Variants in MSH3 observed in about 807,000 individuals in gnomAD.
MSH3 encodes DNA mismatch repair protein Msh3.
In MSH3, 106 loss-of-function variants were observed where a neutral mutation model predicts 123.3. The observed-to-expected ratio is 0.86, with a 90% CI of 0.73 to 1.01. MSH3 has a LOEUF of 1.01. Among genes scored for constraint, MSH3 ranks in the 50% least tolerant of loss-of-function variants. The pLI is 0.00. For missense variants in MSH3, 1,459 were observed against 1,347.6 expected, an observed-to-expected ratio of 1.08 and a Z score of -1.29; for synonymous variants, 515 against 481.4, an observed-to-expected ratio of 1.07 and a Z score of -0.91.
At chr5:80,775,545 A>G (rs1744282699) in intron 15 of MSH3, 149 bp from the exon 16 acceptor site, 1 of 592,768 alleles carries the variant, frequency 1.7e-6, no homozygotes, top group East Asian at 2.8e-5. Flanking sequence ...ATTTGTCTGT[A>G]TTGACATATA....
chr5:80,745,535 T>G (rs1295785662), intron 12 of MSH3, among the ~76,000 whole-genome samples: 2 of 152,190 alleles, frequency 1.3e-5, no homozygotes, highest in Non-Finnish European at 1.5e-5. Flanking sequence ...AATATAAGAT[T>G]TAAAACCAGC....
chr5:80,750,398 A>G (rs1743811929), intron 12 of MSH3, among the ~76,000 whole-genome samples: 1 of 152,070 alleles, frequency 6.6e-6, no homozygotes, highest in South Asian at 2.1e-4. Context: ...TTTACTTGTT[A>G]TCTTTCATCT....
chr5:80,780,821 T>C (rs974585716), intron 17 of MSH3, among the ~76,000 whole-genome samples: 3 of 152,142 alleles, frequency 2.0e-5, no homozygotes, highest in Non-Finnish European at 4.4e-5. Flanking sequence ...TGAGCCGAGA[T>C]TGCGCCTCTG....
At chr5:80,856,319 A>T (rs1257410796) in intron 21 of MSH3, among the ~76,000 whole-genome samples, 1 of 152,066 alleles carries the variant, frequency 6.6e-6, no homozygotes, top group Admixed American at 6.6e-5. Flanking sequence ...GCTTTAAAAA[A>T]TTTATTTGCA....
intron 19 of MSH3, among the ~76,000 whole-genome samples, chr5:80,805,545 A>G (rs1744871717): frequency 1.4e-5 from 2 of 147,842 alleles, no homozygotes; most frequent in South Asian, 4.4e-4. Flanking sequence ...GAGATTACTT[A>G]GAGTAATTTT....
chr5:80,848,276 T>G (rs930625305), intron 20 of MSH3, among the ~76,000 whole-genome samples: 3 of 152,184 alleles, frequency 2.0e-5, no homozygotes, highest in Admixed American at 1.3e-4. Flanking sequence ...CAGCATCGAA[T>G]TTTAATTTCA....
At position 80,680,059 on chromosome 5, in the gene MSH3, C is replaced by T. The variant is rs903211228; in HGVS notation, c.1340+966C>T. 6.6e-5 allele frequency among the ~76,000 whole-genome samples: 10 copies of T among 151,464 alleles called. 1 individual carries two copies. Among genetic ancestry groups the T allele is most frequent in the African/African-American group, 2.4e-4 (10 of 41,192 alleles). ...GGTGGATCACCTGAGGTCAGCAGTTCAAGACAGCTTGGCCAAAACCCCGTT... is the reference window on the plus strand; with the variant it reads ...GGTGGATCACCTGAGGTCAGCAGTTTAAGACAGCTTGGCCAAAACCCCGTT... On this transcript the variant is annotated intron_variant, in intron 8 of 23. Transcript: ENST00000265081.
intron 16 of MSH3, 151 bp downstream of exon 16, chr5:80,775,909 G>T (rs1215528661): frequency 2.7e-5 from 16 of 598,224 alleles, no homozygotes; most frequent in Non-Finnish European, 4.8e-5. Context: ...TTTTTGGAGG[G>T]GATGTAGTCT....
intron 7 of MSH3, among the ~76,000 whole-genome samples, chr5:80,675,660 A>C (rs1223968217): frequency 2.0e-5 from 3 of 152,204 alleles, no homozygotes; most frequent in Non-Finnish European, 4.4e-5. Flanking sequence ...ACAATTCAAC[A>C]TGAGGTTTGG....
intron 18 of MSH3, among the ~76,000 whole-genome samples, chr5:80,788,173 C>A (rs528145170): frequency 7.2e-4 from 109 of 152,346 alleles, no homozygotes; most frequent in Non-Finnish European, 1.2e-3. Flanking sequence ...GCATGGCTCA[C>A]GCCTCTAATC....
chr5:80,761,709 CAG>C, intron 13 of MSH3, 31 bp downstream of exon 13: 1 of 1,612,114 alleles, frequency 6.2e-7, no homozygotes, highest in Non-Finnish European at 8.5e-7. Flanking sequence ...TTAAAGCTGA[CAG>C]TGTTCTTCAG....
At chr5:80,837,627 C>T (rs1439220903) in intron 20 of MSH3, among the ~76,000 whole-genome samples, 1 of 151,944 alleles carries the variant, frequency 6.6e-6, no homozygotes, top group Admixed American at 6.6e-5. Flanking sequence ...CTTAAAGGGG[C>T]AAGGAAAATG....
chr5:80,735,048 A>G (rs1158126464), intron 10 of MSH3, among the ~76,000 whole-genome samples: 2 of 152,186 alleles, frequency 1.3e-5, no homozygotes, highest in Non-Finnish European at 2.9e-5. Flanking sequence ...CACAGAAAGA[A>G]GAGAAGAGGG....
chr5:80,699,339 A>G (rs552724743), intron 8 of MSH3, among the ~76,000 whole-genome samples: 3 of 152,166 alleles, frequency 2.0e-5, no homozygotes, highest in African/African-American at 7.2e-5. Context: ...TGGGTGGATC[A>G]CCTGAGGTCA....
intron 20 of MSH3, among the ~76,000 whole-genome samples, chr5:80,829,070 CA>C (rs1745375222): frequency 6.6e-6 from 1 of 152,218 alleles, no homozygotes; most frequent in African/African-American, 2.4e-5. Context: ...TTTTGCTTGG[CA>C]TTAATCCACG....
intron 8 of MSH3, among the ~76,000 whole-genome samples, chr5:80,708,909 G>C (rs1408284112): frequency 6.6e-6 from 1 of 151,778 alleles, no homozygotes; most frequent in Non-Finnish European, 1.5e-5. Context: ...CGAATAGCTG[G>C]GATTACAGGC....
intron 8 of MSH3, among the ~76,000 whole-genome samples, chr5:80,688,528 A>G (rs940690005): frequency 1.3e-5 from 2 of 152,220 alleles, no homozygotes; most frequent in Non-Finnish European, 2.9e-5. Flanking sequence ...ATTAATTTAT[A>G]TAGTAGAAAT....
At chr5:80,715,003 T>C (rs1171603585) in intron 8 of MSH3, among the ~76,000 whole-genome samples, 1 of 152,238 alleles carries the variant, frequency 6.6e-6, no homozygotes, top group Non-Finnish European at 1.5e-5. Flanking sequence ...AATCAGCTTA[T>C]GCCTGCCTAG....
chr5:80,825,401 T>C (rs774524760), intron 20 of MSH3, among the ~76,000 whole-genome samples: 4 of 152,240 alleles, frequency 2.6e-5, no homozygotes, highest in Admixed American at 6.5e-5. Context: ...CTCAGTGTTA[T>C]ATATTTATAA....
Sources: gnomAD v4.1 joint callset for allele counts (sites outside exome capture counted in the v4.1 genomes callset) on GRCh38, gnomAD v4.1.1 for gene constraint, MANE v1.5 for transcripts, NCBI Gene and HGNC (gene_info 2026-07-23, HGNC 2026-07-21) for gene names.